The following STAM variants were observed in gnomAD, a reference collection of about 807,000 sequenced individuals.
STAM encodes signal transducing adaptor molecule.
A neutral mutation model predicts 63.4 loss-of-function variants in STAM; 16 were observed. That is an observed-to-expected ratio of 0.25 (90% CI 0.17 to 0.38). The LOEUF is 0.38. STAM is among the 10% of genes least tolerant of loss of function. The probability of loss-of-function intolerance (pLI) is 1.00; values close to 1 mark genes in which losing one functional copy is unlikely to be tolerated. For synonymous variants in STAM, 238 were observed against 223.9 expected (o/e 1.06, Z -0.56); for missense variants, 636 against 657.1 (o/e 0.97, Z 0.35).
chr10:17,703,024 A>AG (rs1836080702), intron 9 of STAM, among the ~76,000 whole-genome samples: 1 of 106,736 alleles, frequency 9.4e-6, no homozygotes, highest in Non-Finnish European at 1.9e-5. Context: ...AAAAAAAAAA[A>AG]AAAGAAAAGA....
Position 17,684,780 on chromosome 10 carries a change from G to A in STAM, c.201+30G>A, listed in dbSNP as rs113549693. ...GTGGTTTCATTTTAATCTGTACCAC[G>A]AAATTACCTGCCACAATTGAGCCCC... On this transcript the variant is annotated intron_variant, in intron 3 of 13. Transcript: ENST00000377524. 1.6e-4 allele frequency: 264 copies of A among 1,613,354 alleles called. 1 individual carries two copies. The African/African-American group carries it at 2.8e-3, about 17-fold the overall frequency.
Position 17,695,124 on chromosome 10 carries a change from T to A in STAM, c.611T>A (p.Leu204His), listed in dbSNP as rs1352200457. ...LSTLYPSTSS[L>H]LTNHQHEGRK... Reference sequence around the variant, plus strand: ...ACTTTGTATCCAAGCACATCCAGTCTCTTAACTAACCACCAACATGAAGGC... The same window carrying A: ...ACTTTGTATCCAAGCACATCCAGTCACTTAACTAACCACCAACATGAAGGC... Residue 204 changes from leucine (L) to histidine (H), a missense_variant, in exon 7 of 14, where the codon CTC (leucine) becomes CAC (histidine). Physicochemically the swap from Leu to His is moderately conservative, Grantham distance 99 (BLOSUM62 -3). Transcript: ENST00000377524. 6.2e-7 allele frequency: 1 copy of A among 1,614,016 alleles called. No homozygotes were observed. Among genetic ancestry groups the A allele is most frequent in the Non-Finnish European group, 8.5e-7 (1 of 1,179,998 alleles).
At chr10:17,706,480 G>C (rs1054430503) in intron 12 of STAM, among the ~76,000 whole-genome samples, 4 of 142,318 alleles carry the variant, frequency 2.8e-5, no homozygotes, top group Non-Finnish European at 4.5e-5. Context: ...CCGGGTTCTC[G>C]CCATTCTCCT....
At chr10:17,656,642 T>G (rs982964348) in intron 1 of STAM, among the ~76,000 whole-genome samples, 1 of 152,186 alleles carries the variant, frequency 6.6e-6, no homozygotes, top group Admixed American at 6.5e-5. Context: ...TTTTATACAT[T>G]GTTGGATTCA....
intron 13 of STAM, among the ~76,000 whole-genome samples, chr10:17,709,625 A>C (rs1490941880): frequency 2.6e-5 from 4 of 152,134 alleles, no homozygotes; most frequent in Non-Finnish European, 4.4e-5. Flanking sequence ...AATAAAGGAT[A>C]GGCTTTTAAG....
intron 4 of STAM, among the ~76,000 whole-genome samples, chr10:17,687,597 C>T (rs1276087360): frequency 6.6e-6 from 1 of 152,040 alleles, no homozygotes; most frequent in Non-Finnish European, 1.5e-5. Context: ...TCAAACTAGG[C>T]CCCAGATAAT....
At chr10:17,666,282 C>T (rs1834371685) in intron 2 of STAM, among the ~76,000 whole-genome samples, 1 of 150,484 alleles carries the variant, frequency 6.6e-6, no homozygotes, top group East Asian at 2.0e-4. Context: ...TTTATTCTAA[C>T]AGAATGAGAA....
intron 2 of STAM, among the ~76,000 whole-genome samples, chr10:17,665,442 C>CT (rs1447442141): frequency 6.6e-6 from 1 of 152,024 alleles, no homozygotes; most frequent in Non-Finnish European, 1.5e-5. Flanking sequence ...TCTTTCCATT[C>CT]TTTTACACAA....
At chr10:17,667,596 G>A (rs944132889) in intron 2 of STAM, among the ~76,000 whole-genome samples, 1 of 152,220 alleles carries the variant, frequency 6.6e-6, no homozygotes, top group Non-Finnish European at 1.5e-5. Flanking sequence ...GAATAAAGCA[G>A]GCATAGCCTT....
At position 17,682,529 on chromosome 10, in the gene STAM, T is replaced by G. The variant is rs142610825; in HGVS notation, c.126-2146T>G. ...GTTGTAAGCCTTAGATATTTGTTAT[T>G]TGATTTCCAAATATTTGGGTATTTT... On this transcript the variant is annotated intron_variant, in intron 2 of 13. Coordinates refer to ENST00000377524, the MANE Select transcript of STAM (RefSeq NM_003473.4). Among the ~76,000 whole-genome samples the G allele has an allele frequency of 3.8e-3, 580 of 152,368 alleles. 1 individual carries two copies. Among genetic ancestry groups the G allele is most frequent in the African/African-American group, 0.013 (548 of 41,582 alleles).
intron 12 of STAM, 126 bp downstream of exon 12, chr10:17,705,867 A>T: frequency 1.2e-6 from 1 of 823,294 alleles, no homozygotes; most frequent in Non-Finnish European, 1.8e-6. Flanking sequence ...CAGGAGTTTA[A>T]GACCAGCCTG....
intron 6 of STAM, 71 bp from the exon 7 acceptor site, chr10:17,694,978 G>A: frequency 7.1e-7 from 1 of 1,418,410 alleles, no homozygotes; most frequent in South Asian, 1.4e-5. Flanking sequence ...TTATCTTGAT[G>A]TCTTTTTCTA....
rs527539211 is a variant in STAM, at chr10:17,650,949, C to A, written c.40+6570C>A. On this transcript the variant is annotated intron_variant, in intron 1 of 13. Coordinates refer to ENST00000377524, the MANE Select transcript of STAM (RefSeq NM_003473.4). ...GCGTAGTGGCGGGCGCCTGTAGTCC[C>A]AGCTACTCAGGAGGCTGAGGCAGGA... Among the ~76,000 whole-genome samples the A allele has an allele frequency of 4.4e-4, 67 of 151,270 alleles. 1 individual carries two copies. Among genetic ancestry groups the A allele is most frequent in the Non-Finnish European group, 7.7e-4 (52 of 67,640 alleles).
intron 2 of STAM, among the ~76,000 whole-genome samples, chr10:17,681,715 A>G (rs536732755): frequency 6.6e-6 from 1 of 152,364 alleles, no homozygotes; most frequent in South Asian, 2.1e-4. Flanking sequence ...ATCTGTGTCC[A>G]GAACATAGCA....
intron 1 of STAM, among the ~76,000 whole-genome samples, chr10:17,655,269 A>G (rs1471233970): frequency 2.0e-5 from 3 of 152,204 alleles, no homozygotes; most frequent in Admixed American, 6.5e-5. Flanking sequence ...TATGTGTTCA[A>G]ATTTTATAAT....
chr10:17,714,766 A>G lies in STAM; in HGVS notation c.1609A>G (p.Lys537Glu). ...PPQPQQPYSQ[K>E]ALL The stretch of plus-strand genomic sequence containing the variant: ...TCAGCCACAGCAACCATATTCTCAG[A>G]AGGCTCTGCTATAGGACCCGGTGTT... The change falls in exon 14 of 14, where the codon AAG (lysine) becomes GAG (glutamate). Residue 537 changes from lysine (K) to glutamate (E), a missense_variant. Transcript: ENST00000377524. 1 of 1,614,002 alleles carries G rather than the reference A, an allele frequency of 6.2e-7. No homozygotes were observed. Among genetic ancestry groups the G allele is most frequent in the Non-Finnish European group, 8.5e-7 (1 of 1,179,952 alleles).
intron 1 of STAM, among the ~76,000 whole-genome samples, chr10:17,652,450 A>G (rs73603851): frequency 0.078 from 11,872 of 152,262 alleles, 858 homozygotes; most frequent in African/African-American, 0.19. Flanking sequence ...AGTTTTCAAC[A>G]TAATATCTGC....
chr10:17,645,767 G>T (rs1554820763), intron 1 of STAM, among the ~76,000 whole-genome samples: 1 of 152,192 alleles, frequency 6.6e-6, no homozygotes, highest in African/African-American at 2.4e-5. Flanking sequence ...GCAGCTCAGT[G>T]ACATAAGAGA....
At chr10:17,694,128 C>T (rs1400493071) in intron 6 of STAM, among the ~76,000 whole-genome samples, 3 of 152,070 alleles carry the variant, frequency 2.0e-5, no homozygotes, top group African/African-American at 7.2e-5. Context: ...ATGATATGTA[C>T]AAGTCTTTAT....
Sources: allele counts gnomAD v4.1 joint callset (sites outside exome capture counted in the v4.1 genomes callset), GRCh38; gene constraint gnomAD v4.1.1; transcripts MANE v1.5; gene names NCBI Gene and HGNC (gene_info 2026-07-23, HGNC 2026-07-21).